The following NRG1 variants were observed in gnomAD, a reference collection of about 807,000 sequenced individuals.
NRG1 encodes pro-neuregulin-1, membrane-bound isoform.
Under a neutral mutation model 63.8 loss-of-function variants are expected in NRG1, and 18 were observed. That is an observed-to-expected ratio of 0.28 (90% confidence interval 0.19 to 0.42). NRG1 has a LOEUF of 0.42. Among genes scored for constraint, NRG1 ranks in the 10% least tolerant of loss-of-function variants. The probability of loss-of-function intolerance (pLI) is 1.00; values close to 1 mark genes in which losing one functional copy is unlikely to be tolerated. For synonymous variants in NRG1, 302 were observed against 301.3 expected (o/e 1.00, Z -0.02); for missense variants, 762 against 814.7 (o/e 0.94, Z 0.79).
intron 1 of NRG1, among the ~76,000 whole-genome samples, chr8:31,880,032 G>A (rs1830228069): frequency 6.6e-6 from 1 of 152,064 alleles, no homozygotes; most frequent in Non-Finnish European, 1.5e-5. Flanking sequence ...GCATGTATGT[G>A]TCTTTTCCGG....
chr8:32,417,357 A>G (rs924993518), intron 1 of NRG1, among the ~76,000 whole-genome samples: 1 of 152,170 alleles, frequency 6.6e-6, no homozygotes, highest in Admixed American at 6.6e-5. Flanking sequence ...CCAATTCAAT[A>G]AGATACTGCT....
In NRG1 at chr8:31,721,857, C is replaced by T. The variant is rs113909933; in HGVS notation, c.37+82426C>T. Among the ~76,000 whole-genome samples, 896 of 152,240 alleles carry T rather than the reference C, an allele frequency of 5.9e-3. 4 individuals carry two copies. Among genetic ancestry groups the T allele is most frequent in the Non-Finnish European group, 9.7e-3 (657 of 67,992 alleles). ...TGCTGGATTTCTACTCGCTCACCTT[C>T]TATTTCTTACTAAATATTCCTTGTT... is the stretch of plus-strand genomic sequence containing the variant. On this transcript the variant is annotated intron_variant, in intron 1 of 10. Transcript: ENST00000519301.
At chr8:32,406,943 A>G (rs542912524) in intron 1 of NRG1, among the ~76,000 whole-genome samples, 29 of 152,164 alleles carry the variant, frequency 1.9e-4, no homozygotes, top group African/African-American at 6.7e-4. Context: ...TGGAGAGAGA[A>G]AGGGAGTTTA....
intron 1 of NRG1, among the ~76,000 whole-genome samples, chr8:32,025,707 G>A (rs2130320660): frequency 6.6e-6 from 1 of 152,028 alleles, no homozygotes; most frequent in East Asian, 1.9e-4. Context: ...CCGCACTCTG[G>A]GAGGCCGAGG....
intron 1 of NRG1, among the ~76,000 whole-genome samples, chr8:32,333,612 G>A (rs1454077231): frequency 6.6e-6 from 1 of 152,126 alleles, no homozygotes; most frequent in African/African-American, 2.4e-5. Flanking sequence ...TATGAGAAGA[G>A]ACCCCTGTAA....
chr8:31,658,328 G>A (rs1237677960), intron 1 of NRG1, among the ~76,000 whole-genome samples: 1 of 152,188 alleles, frequency 6.6e-6, no homozygotes, highest in African/African-American at 2.4e-5. Context: ...CTGTACTCAT[G>A]ACCTTGGGAA....
At chr8:32,180,944 A>G (rs1300757484) in intron 1 of NRG1, among the ~76,000 whole-genome samples, 1 of 152,010 alleles carries the variant, frequency 6.6e-6, no homozygotes, top group African/African-American at 2.4e-5. Context: ...CCACCATTCT[A>G]TTCTCTGCTT....
At chr8:32,333,860 G>C (rs1802937374) in intron 1 of NRG1, among the ~76,000 whole-genome samples, 1 of 152,090 alleles carries the variant, frequency 6.6e-6, no homozygotes, top group Non-Finnish European at 1.5e-5. Flanking sequence ...ACTTCCAGTT[G>C]TGTAAACACA....
intron 5 of NRG1, among the ~76,000 whole-genome samples, chr8:32,715,304 C>G (rs1413295792): frequency 3.3e-5 from 5 of 152,140 alleles, no homozygotes; most frequent in Non-Finnish European, 4.4e-5. Context: ...ATCCTTTGAA[C>G]TATGACCATT....
intron 5 of NRG1, among the ~76,000 whole-genome samples, chr8:32,671,965 T>C (rs537125463): frequency 2.0e-4 from 31 of 152,270 alleles, no homozygotes; most frequent in South Asian, 6.2e-4. Flanking sequence ...TGTCTTGTCA[T>C]TTTTTTCTAA....
At chr8:32,393,240 C>G (rs1563402170) in intron 1 of NRG1, among the ~76,000 whole-genome samples, 1 of 152,146 alleles carries the variant, frequency 6.6e-6, no homozygotes, top group Non-Finnish European at 1.5e-5. Context: ...CTTCCTCTTA[C>G]AGGGAATGAG....
chr8:32,305,593 AGTCCACTT>A (rs1856100386), intron 1 of NRG1, among the ~76,000 whole-genome samples: 1 of 152,194 alleles, frequency 6.6e-6, no homozygotes, highest in Non-Finnish European at 1.5e-5. Flanking sequence ...AATTCCTCAG[AGTCCACTT>A]AGCTTTGTCT....
intron 1 of NRG1, among the ~76,000 whole-genome samples, chr8:31,864,178 C>T (rs1454347384): frequency 2.0e-5 from 3 of 152,098 alleles, no homozygotes; most frequent in Non-Finnish European, 4.4e-5. Context: ...TTTATTAATT[C>T]ATGAATTCAT....
intron 1 of NRG1, among the ~76,000 whole-genome samples, chr8:31,949,109 T>A (rs538437360): frequency 6.6e-6 from 1 of 152,362 alleles, no homozygotes; most frequent in South Asian, 2.1e-4. Context: ...TCAAAGATGA[T>A]GATAATCATA....
At chr8:32,256,879 A>C (rs929395361) in intron 1 of NRG1, among the ~76,000 whole-genome samples, 3 of 152,014 alleles carry the variant, frequency 2.0e-5, no homozygotes, top group Non-Finnish European at 4.4e-5. Flanking sequence ...CTGAAGCTGC[A>C]CCCCCAGCTG....
chr8:31,940,604 T>A (rs942994919), intron 1 of NRG1, among the ~76,000 whole-genome samples: 8 of 151,580 alleles, frequency 5.3e-5, no homozygotes, highest in Admixed American at 3.9e-4. Flanking sequence ...AGAAAATAAA[T>A]AAAAAGCTGT....
intron 1 of NRG1, among the ~76,000 whole-genome samples, chr8:32,027,636 T>C (rs1309869842): frequency 6.6e-6 from 1 of 152,122 alleles, no homozygotes; most frequent in Non-Finnish European, 1.5e-5. Flanking sequence ...TTACTTAATA[T>C]ACAGTCTGAG....
chr8:32,753,512 C>T (rs1175746109), intron 7 of NRG1, among the ~76,000 whole-genome samples: 2 of 152,190 alleles, frequency 1.3e-5, no homozygotes, highest in African/African-American at 4.8e-5. Context: ...TAGGAATGTG[C>T]ACTCTATTCC....
At chr8:31,989,334 C>A (rs1473829437) in intron 1 of NRG1, among the ~76,000 whole-genome samples, 1 of 146,994 alleles carries the variant, frequency 6.8e-6, no homozygotes, top group African/African-American at 2.5e-5. Flanking sequence ...ATCTTGATAG[C>A]TTTTTAGCAG....
Sources: allele counts gnomAD v4.1 joint callset (sites outside exome capture counted in the v4.1 genomes callset), GRCh38; gene constraint gnomAD v4.1.1; transcripts MANE v1.5; gene names NCBI Gene and HGNC (gene_info 2026-07-23, HGNC 2026-07-21).